Variants in ASRGL1 observed in about 807,000 individuals in gnomAD.
ASRGL1 encodes asparaginase and isoaspartyl peptidase 1.
A neutral mutation model predicts 22.4 loss-of-function variants in ASRGL1; 16 were observed. The ratio of observed to expected loss-of-function variants is 0.71; its 90% CI spans 0.48 to 1.08. The LOEUF is 1.08. ASRGL1 is among the 50% of genes least tolerant of loss of function. The pLI is 0.00. For missense variants in ASRGL1, 412 were observed against 410.1 expected (o/e 1.00, Z -0.04); for synonymous variants, 165 against 159.3 (o/e 1.04, Z -0.27).
chr11:62,383,287 A>G (rs1947116643), intron 4 of ASRGL1: 1 of 152,166 alleles, frequency 6.6e-6, no homozygotes, highest in Non-Finnish European at 1.5e-5. Context: ...CATTTTGTCA[A>G]TAGAAGTCAC....
intron 4 of ASRGL1, among the ~76,000 whole-genome samples, chr11:62,369,744 G>C (rs1762001396): frequency 6.6e-6 from 1 of 152,066 alleles, no homozygotes; most frequent in East Asian, 1.9e-4. Context: ...TGTCTAAAGT[G>C]AGATTATCTT....
At chr11:62,343,918 C>CTTTTTTTTT (rs34446979) in intron 2 of ASRGL1, among the ~76,000 whole-genome samples, 77 of 100,658 alleles carry the variant, frequency 7.6e-4, no homozygotes, top group South Asian at 1.0e-3. Context: ...TCATGCATTT[C>CTTTTTTTTT]TTTTTTTTTT....
intron 4 of ASRGL1, among the ~76,000 whole-genome samples, chr11:62,373,498 C>T (rs1946830280): frequency 6.6e-6 from 1 of 152,096 alleles, no homozygotes; most frequent in Non-Finnish European, 1.5e-5. Context: ...GAATACACTC[C>T]CCAAAACACT....
intron 4 of ASRGL1, among the ~76,000 whole-genome samples, chr11:62,374,211 T>C (rs1180232720): frequency 1.3e-5 from 2 of 152,146 alleles, no homozygotes; most frequent in East Asian, 3.8e-4. Flanking sequence ...ACCAAATAGT[T>C]GGGATTACCA....
At chr11:62,340,288 C>A (rs543250511) in intron 2 of ASRGL1, among the ~76,000 whole-genome samples, 1 of 152,116 alleles carries the variant, frequency 6.6e-6, no homozygotes, top group African/African-American at 2.4e-5. Context: ...AAATTAAGTT[C>A]ATCTGAATTT....
intron 4 of ASRGL1, among the ~76,000 whole-genome samples, chr11:62,362,573 ATATT>A (rs1190332051): frequency 5.7e-5 from 4 of 70,152 alleles, no homozygotes; most frequent in African/African-American, 5.7e-5. Flanking sequence ...TATATAATAT[ATATT>A]ATATAAAATA....
chr11:62,356,956 AC>A (rs759757314), intron 3 of ASRGL1, 30 bp from the exon 4 acceptor site: 2 of 1,563,244 alleles, frequency 1.3e-6, no homozygotes, highest in African/African-American at 2.8e-5. Flanking sequence ...TTTCAAAAAA[AC>A]AATCATTTTC....
intron 4 of ASRGL1, among the ~76,000 whole-genome samples, chr11:62,357,486 TCCTGACGTCAGGTGATCCA>T (rs1397054934): frequency 6.9e-6 from 1 of 145,584 alleles, no homozygotes; most frequent in East Asian, 2.1e-4. Context: ...GGTCTCAAAC[TCCTGACGTCAGGTGATCCA>T]CCTGCCTCGG....
chr11:62,352,667 C>T (rs887523182), intron 2 of ASRGL1, among the ~76,000 whole-genome samples: 29 of 152,160 alleles, frequency 1.9e-4, no homozygotes, highest in African/African-American at 5.8e-4. Flanking sequence ...ATCTTGGTTT[C>T]TCCTTCATTC....
chr11:62,338,932 C>CA (rs576869521), intron 2 of ASRGL1, among the ~76,000 whole-genome samples: 17,884 of 101,484 alleles, frequency 0.18, 2,320 homozygotes, highest in African/African-American at 0.33. Flanking sequence ...GAGACTATCT[C>CA]AAAAAAAAAA....
At position 62,387,769 on chromosome 11, in the gene ASRGL1, C is replaced by G. The variant is rs111297205; in HGVS notation, c.492-1364C>G. Among the ~76,000 whole-genome samples the G allele has an allele frequency of 5.1e-3, 779 of 152,322 alleles. 2 individuals are homozygous for G. The highest frequency in any genetic ancestry group is 0.015 in the African/African-American group (617 of 41,570). ...ATTATTGCCCTGTTACTACCACCCT[C>G]TACCCCAAATGCAGGCTCCATGGGA... On this transcript the variant is annotated intron_variant, in intron 4 of 6. Coordinates refer to ENST00000415229, the MANE Select transcript of ASRGL1 (RefSeq NM_001083926.2).
At position 62,389,152 on chromosome 11, in the gene ASRGL1, G is replaced by C. The variant is rs1249974842; in HGVS notation, c.511G>C (p.Ala171Pro). 1 of 1,612,588 alleles carries C rather than the reference G, an allele frequency of 6.2e-7. No homozygotes were observed. The highest frequency in any genetic ancestry group is 2.2e-5 in the East Asian group (1 of 44,834). The change falls in exon 5 of 7, where the codon GCT becomes CCT. Residue 171 changes from alanine to proline, a missense_variant. By Grantham distance (27) the Ala-to-Pro change is conservative. Transcript: ENST00000415229. The stretch of plus-strand genomic sequence containing the variant: ...TGGCAGAAACTTGGGAACCGTGGGT[G>C]CTGTTGCCTTGGACTGCAAAGGGAA... ...DCQKNLGTVG[A>P]VALDCKGNVA...
At chr11:62,379,386 G>A (rs1174974761) in intron 4 of ASRGL1, among the ~76,000 whole-genome samples, 1 of 152,152 alleles carries the variant, frequency 6.6e-6, no homozygotes, top group Non-Finnish European at 1.5e-5. Flanking sequence ...TTTCCTGCCG[G>A]ATCAGTGCTT....
chr11:62,345,909 C>T (rs762802584), intron 2 of ASRGL1, among the ~76,000 whole-genome samples: 4 of 152,124 alleles, frequency 2.6e-5, no homozygotes, highest in Admixed American at 6.6e-5. Context: ...TAGTAATGCT[C>T]ATGCGCCTGC....
At chr11:62,389,344 T>C in intron 5 of ASRGL1, 93 bp downstream of exon 5, 1 of 1,216,160 alleles carries the variant, frequency 8.2e-7, no homozygotes. Context: ...CGTTTCTTGC[T>C]GCGTTCCCTT....
intron 2 of ASRGL1, among the ~76,000 whole-genome samples, chr11:62,340,196 G>A (rs773485179): frequency 7.2e-5 from 11 of 152,174 alleles, no homozygotes; most frequent in Non-Finnish European, 1.6e-4. Context: ...TTGAGCCCCA[G>A]GAGGTCAAGG....
chr11:62,347,057 A>G (rs1479162948), intron 2 of ASRGL1, among the ~76,000 whole-genome samples: 1 of 152,076 alleles, frequency 6.6e-6, no homozygotes, highest in Non-Finnish European at 1.5e-5. Context: ...TTTTGCACCC[A>G]AACTTTGATG....
intron 2 of ASRGL1, among the ~76,000 whole-genome samples, chr11:62,341,442 G>A (rs1590700807): frequency 6.6e-6 from 1 of 151,970 alleles, no homozygotes; most frequent in Non-Finnish European, 1.5e-5. Flanking sequence ...TTCATGATCC[G>A]CCCACCTCAG....
At chr11:62,369,120 A>G (rs1397998450) in intron 4 of ASRGL1, among the ~76,000 whole-genome samples, 1 of 152,188 alleles carries the variant, frequency 6.6e-6, no homozygotes, top group Non-Finnish European at 1.5e-5. Context: ...AACCCTGGAC[A>G]ATATCTGGCT....
Sources: gnomAD v4.1 joint callset for allele counts (sites outside exome capture counted in the v4.1 genomes callset) on GRCh38, gnomAD v4.1.1 for gene constraint, MANE v1.5 for transcripts, NCBI Gene and HGNC (gene_info 2026-07-23, HGNC 2026-07-21) for gene names.